Variants in CSMD1 observed in about 807,000 individuals in gnomAD.
The protein encoded by CSMD1 is CUB and Sushi multiple domains 1.
CSMD1 carries 213 observed loss-of-function variants against 417.5 expected under a neutral mutation model. The ratio of observed to expected loss-of-function variants is 0.51; its 90% confidence interval spans 0.46 to 0.57. The LOEUF is 0.57. Ranked by LOEUF, CSMD1 falls within the 20% of genes least tolerant of loss-of-function variation. The probability of loss-of-function intolerance (pLI) is 0.00; values close to 1 mark genes in which losing one functional copy is unlikely to be tolerated. For missense variants in CSMD1, 6,923 were observed against 4,529.7 expected (o/e 1.53, Z -15.17); for synonymous variants, 2,862 against 1,736.8 (o/e 1.65, Z -16.11).
At chr8:3,957,090 T>C (rs1025281623) in intron 5 of CSMD1, among the ~76,000 whole-genome samples, 1 of 151,830 alleles carries the variant, frequency 6.6e-6, no homozygotes. Context: ...TCTGTATATG[T>C]CTTTGGAAAC....
At chr8:3,619,340 G>A (rs764367480) in intron 7 of CSMD1, among the ~76,000 whole-genome samples, 6 of 151,846 alleles carry the variant, frequency 4.0e-5, no homozygotes, top group Non-Finnish European at 5.9e-5. Flanking sequence ...ACCGTGTTCT[G>A]CAAACATGGA....
chr8:4,800,568 A>G (rs778405701), intron 1 of CSMD1, among the ~76,000 whole-genome samples: 1 of 152,246 alleles, frequency 6.6e-6, no homozygotes, highest in Non-Finnish European at 1.5e-5. Context: ...TAAAGACCTC[A>G]GACCGTCAGA....
At chr8:3,930,329 T>A (rs1810053792) in intron 5 of CSMD1, among the ~76,000 whole-genome samples, 1 of 150,636 alleles carries the variant, frequency 6.6e-6, no homozygotes, top group Non-Finnish European at 1.5e-5. Context: ...CACTCTTAAA[T>A]ATCTGCCAGC....
At chr8:3,687,459 T>G (rs768478445) in intron 7 of CSMD1, among the ~76,000 whole-genome samples, 67 of 152,346 alleles carry the variant, frequency 4.4e-4, no homozygotes, top group Admixed American at 7.8e-4. Flanking sequence ...GAGCCTTTAT[T>G]GAGAAAGCAA....
intron 5 of CSMD1, among the ~76,000 whole-genome samples, chr8:3,968,349 C>G (rs1405015323): frequency 6.6e-6 from 1 of 152,134 alleles, no homozygotes; most frequent in African/African-American, 2.4e-5. Context: ...CTCCCTGATC[C>G]TACAAGAATC....
intron 26 of CSMD1, among the ~76,000 whole-genome samples, chr8:3,235,139 G>C (rs976932794): frequency 6.6e-6 from 1 of 152,176 alleles, no homozygotes; most frequent in Non-Finnish European, 1.5e-5. Context: ...TTGTCATACA[G>C]TGATAGTCAC....
At chr8:4,608,616 T>G (rs1024789612) in intron 2 of CSMD1, among the ~76,000 whole-genome samples, 1 of 152,248 alleles carries the variant, frequency 6.6e-6, no homozygotes, top group African/African-American at 2.4e-5. Context: ...ATGCGTCATT[T>G]TCGCTAGCAA....
At chr8:3,809,768 G>C (rs143518900) in intron 5 of CSMD1, among the ~76,000 whole-genome samples, 1 of 152,294 alleles carries the variant, frequency 6.6e-6, no homozygotes, top group African/African-American at 2.4e-5. Flanking sequence ...CAACAGGAAA[G>C]TATTAGAATG....
chr8:3,745,879 G>T (rs1046627428), intron 6 of CSMD1, among the ~76,000 whole-genome samples: 3 of 152,110 alleles, frequency 2.0e-5, no homozygotes, highest in Admixed American at 6.6e-5. Flanking sequence ...GTAGGTAATT[G>T]CCTGGGGAGC....
Position 4,161,121 on chromosome 8 carries a change from T to TAA in CSMD1, c.416-129024_416-129023dup, listed in dbSNP as rs56718091. Among the ~76,000 whole-genome samples, 448 of 148,832 alleles carry TAA rather than the reference T, an allele frequency of 3.0e-3. 14 individuals are homozygous for TAA. In the East Asian group the frequency reaches 0.072, roughly 24 times the overall value. On this transcript the variant is annotated intron_variant, in intron 3 of 69. Coordinates refer to ENST00000635120, the MANE Select transcript of CSMD1 (RefSeq NM_033225.6). ...TTCCAGGAAATATAAACAAATAATG[T>TAA]AAAAAAAAAAAAGTCATGTCTTAAG...
intron 10 of CSMD1, among the ~76,000 whole-genome samples, chr8:3,519,419 T>C (rs1177977009): frequency 6.6e-6 from 1 of 152,204 alleles, no homozygotes; most frequent in Non-Finnish European, 1.5e-5. Context: ...AATTGCATGC[T>C]GGTTCATGTA....
At chr8:3,422,942 C>T (rs1813588887) in intron 12 of CSMD1, among the ~76,000 whole-genome samples, 1 of 152,148 alleles carries the variant, frequency 6.6e-6, no homozygotes, top group African/African-American at 2.4e-5. Flanking sequence ...GGGGTAGATT[C>T]TCTTTGTTAA....
rs911275073 is a variant in CSMD1 at position 3,645,620 on chromosome 8, G to C, written c.1010-28823C>G. On this transcript the variant is annotated intron_variant, in intron 7 of 69. Coordinates refer to ENST00000635120, the MANE Select transcript of CSMD1 (RefSeq NM_033225.6). ...AGCCTTCTGCAAGGGATCATGGGAAGAGTCGGCCTTCTGCATTTGTAGAAA... is the reference window on the plus strand; with the variant it reads ...AGCCTTCTGCAAGGGATCATGGGAACAGTCGGCCTTCTGCATTTGTAGAAA... Among the ~76,000 whole-genome samples the C allele has an allele frequency of 2.6e-4, 40 of 152,208 alleles. 1 individual carries two copies. The highest frequency in any genetic ancestry group is 2.5e-3 in the Admixed American group (38 of 15,286).
At chr8:4,231,498 A>C (rs1801729958) in intron 3 of CSMD1, among the ~76,000 whole-genome samples, 1 of 141,592 alleles carries the variant, frequency 7.1e-6, no homozygotes, top group African/African-American at 2.7e-5. Flanking sequence ...ACGCCCTTCA[A>C]TTAGGAGACA....
chr8:4,032,920 C>A (rs1037044783), intron 3 of CSMD1, among the ~76,000 whole-genome samples: 2 of 152,106 alleles, frequency 1.3e-5, no homozygotes, highest in Non-Finnish European at 2.9e-5. Context: ...TCATTATACT[C>A]TCTTCCCTGT....
chr8:4,883,448 C>T (rs1803540520), intron 1 of CSMD1, among the ~76,000 whole-genome samples: 1 of 151,998 alleles, frequency 6.6e-6, no homozygotes, highest in Non-Finnish European at 1.5e-5. Flanking sequence ...TTTTTATCAT[C>T]CCAAAAAGAA....
At chr8:3,755,977 T>C (rs1797633236) in intron 5 of CSMD1, among the ~76,000 whole-genome samples, 1 of 152,086 alleles carries the variant, frequency 6.6e-6, no homozygotes, top group East Asian at 1.9e-4. Context: ...CTTATTTGCC[T>C]AATACGGAGA....
chr8:4,596,734 C>G (rs896637884), intron 2 of CSMD1, among the ~76,000 whole-genome samples: 2 of 152,128 alleles, frequency 1.3e-5, no homozygotes, highest in Non-Finnish European at 2.9e-5. Context: ...CAATAAGGAA[C>G]AAACGAAATA....
chr8:4,042,195 A>G (rs985853389), intron 3 of CSMD1, among the ~76,000 whole-genome samples: 2 of 152,228 alleles, frequency 1.3e-5, no homozygotes, highest in Admixed American at 1.3e-4. Flanking sequence ...TAAGTGTAAA[A>G]TGCAAAGAAC....
Sources: gnomAD v4.1 joint callset for allele counts (sites outside exome capture counted in the v4.1 genomes callset) on GRCh38, gnomAD v4.1.1 for gene constraint, MANE v1.5 for transcripts, NCBI Gene and HGNC (gene_info 2026-07-23, HGNC 2026-07-21) for gene names.